Variants in UVRAG observed in about 807,000 individuals in gnomAD.
UVRAG encodes UV radiation resistance associated.
Under a neutral mutation model 78.0 loss-of-function variants are expected in UVRAG, and 19 were observed. The ratio of observed to expected loss-of-function variants is 0.24; its 90% CI spans 0.17 to 0.36. The LOEUF is 0.36. UVRAG is among the 10% of genes least tolerant of loss of function. UVRAG has a pLI of 1.00. For synonymous variants in UVRAG, 323 were observed against 324.6 expected, an observed-to-expected ratio of 1.00 and a Z score of 0.05; for missense variants, 740 against 853.8, an observed-to-expected ratio of 0.87 and a Z score of 1.66.
intron 12 of UVRAG, among the ~76,000 whole-genome samples, chr11:76,062,480 C>T (rs1951112921): frequency 6.6e-6 from 1 of 152,126 alleles, no homozygotes; most frequent in South Asian, 2.1e-4. Flanking sequence ...CTTTGGTTCT[C>T]CCTGCTTGAA....
intron 7 of UVRAG, among the ~76,000 whole-genome samples, chr11:75,973,234 G>A (rs1949160971): frequency 6.6e-6 from 1 of 152,186 alleles, no homozygotes; most frequent in Admixed American, 6.5e-5. Context: ...TTAGCTGAAA[G>A]TTTTTATCAT....
At chr11:75,842,185 A>G (rs1945928779) in intron 1 of UVRAG, among the ~76,000 whole-genome samples, 1 of 152,184 alleles carries the variant, frequency 6.6e-6, no homozygotes, top group Admixed American at 6.5e-5. Context: ...ATAGCTTCAT[A>G]TCTGCCCACA....
chr11:75,876,994 G>A (rs551484558), intron 3 of UVRAG, among the ~76,000 whole-genome samples: 11 of 151,214 alleles, frequency 7.3e-5, no homozygotes, highest in South Asian at 2.1e-4. Context: ...AGGACCCTGC[G>A]GCCTTCCGCA....
intron 12 of UVRAG, among the ~76,000 whole-genome samples, chr11:76,038,476 A>G (rs1950581400): frequency 6.6e-6 from 1 of 152,246 alleles, no homozygotes. Flanking sequence ...TGAAGTATAC[A>G]GGACTTATGT....
At chr11:75,958,341 A>T (rs1411743403) in intron 6 of UVRAG, among the ~76,000 whole-genome samples, 1 of 151,864 alleles carries the variant, frequency 6.6e-6, no homozygotes, top group African/African-American at 2.4e-5. Context: ...TTCCCCTCAA[A>T]CCCTGCCACT....
chr11:75,828,118 C>T (rs1945555665), intron 1 of UVRAG, among the ~76,000 whole-genome samples: 1 of 152,066 alleles, frequency 6.6e-6, no homozygotes, highest in African/African-American at 2.4e-5. Flanking sequence ...CAGGACTATA[C>T]TCATTACAGG....
chr11:76,135,287 C>T (rs1952580531), intron 14 of UVRAG, among the ~76,000 whole-genome samples: 1 of 152,116 alleles, frequency 6.6e-6, no homozygotes, highest in Admixed American at 6.5e-5. Context: ...TTCTTGTCGC[C>T]ACTGTCTCTA....
intron 6 of UVRAG, among the ~76,000 whole-genome samples, chr11:75,920,216 G>A (rs183541952): frequency 7.3e-5 from 11 of 150,910 alleles, no homozygotes; most frequent in African/African-American, 2.4e-4. Flanking sequence ...TAGTAGAGAC[G>A]GGGTTTCACC....
chr11:76,021,224 T>TTG (rs1383888130), intron 12 of UVRAG, among the ~76,000 whole-genome samples: 1 of 152,212 alleles, frequency 6.6e-6, no homozygotes, highest in Admixed American at 6.5e-5. Context: ...AGGTGCTTTT[T>TTG]TGTGTGTGTA....
At chr11:76,112,254 C>T (rs1338368072) in intron 13 of UVRAG, among the ~76,000 whole-genome samples, 1 of 152,130 alleles carries the variant, frequency 6.6e-6, no homozygotes, top group Non-Finnish European at 1.5e-5. Flanking sequence ...GTTTCTCAGT[C>T]ACCACGTGAA....
intron 8 of UVRAG, among the ~76,000 whole-genome samples, chr11:75,988,223 T>C (rs548435621): frequency 6.6e-6 from 1 of 151,828 alleles, no homozygotes; most frequent in South Asian, 2.1e-4. Flanking sequence ...CCACAATCAG[T>C]GATAACATTT....
chr11:75,922,865 G>A (rs1258615241), intron 6 of UVRAG, among the ~76,000 whole-genome samples: 13 of 151,260 alleles, frequency 8.6e-5, no homozygotes, highest in African/African-American at 1.5e-4. Context: ...CCCAGGCAGC[G>A]GAGGTTGTGA....
In UVRAG at chr11:76,116,308, G is replaced by T. The variant is rs548239894; in HGVS notation, c.1397+293G>T. Among the ~76,000 whole-genome samples, 3 of 152,330 alleles carry T rather than the reference G, an allele frequency of 2.0e-5. No homozygotes were observed. In the East Asian group the frequency reaches 5.8e-4, roughly 29 times the overall value. Reference sequence around the variant, plus strand: ...GCTGAGACAAACTGGAAGACAGCCAGTATGATTCATGGTAAGGGAGACCCA... The same window carrying T: ...GCTGAGACAAACTGGAAGACAGCCATTATGATTCATGGTAAGGGAGACCCA... On this transcript the variant is annotated intron_variant, in intron 14 of 14. Transcript: ENST00000356136.
At chr11:76,127,614 A>G (rs1251718867) in intron 14 of UVRAG, among the ~76,000 whole-genome samples, 1 of 150,628 alleles carries the variant, frequency 6.6e-6, no homozygotes, top group African/African-American at 2.5e-5. Flanking sequence ...AGCCTGGGCA[A>G]CAAGAACAAA....
chr11:76,027,052 C>T (rs1950338770), intron 12 of UVRAG, among the ~76,000 whole-genome samples: 1 of 151,738 alleles, frequency 6.6e-6, no homozygotes, highest in Non-Finnish European at 1.5e-5. Flanking sequence ...TCTGATTGAA[C>T]CCTTCATTTC....
intron 7 of UVRAG, among the ~76,000 whole-genome samples, chr11:75,970,300 A>G (rs990442471): frequency 2.6e-5 from 4 of 152,258 alleles, no homozygotes; most frequent in African/African-American, 9.6e-5. Flanking sequence ...TTAACAAACA[A>G]CAAGTTTAAT....
chr11:75,859,846 C>T (rs890560861), intron 2 of UVRAG, among the ~76,000 whole-genome samples: 3 of 152,248 alleles, frequency 2.0e-5, no homozygotes, highest in East Asian at 1.9e-4. Flanking sequence ...TGTATGGCTC[C>T]TTTGTTAAAC....
At chr11:75,815,984 A>T (rs934195043) in intron 1 of UVRAG, among the ~76,000 whole-genome samples, 1 of 152,230 alleles carries the variant, frequency 6.6e-6, no homozygotes, top group Non-Finnish European at 1.5e-5. Flanking sequence ...CTCTTCGTGC[A>T]AGAGCCCTGG....
At chr11:75,835,549 G>T (rs1317498741) in intron 1 of UVRAG, among the ~76,000 whole-genome samples, 3 of 152,044 alleles carry the variant, frequency 2.0e-5, no homozygotes, top group Non-Finnish European at 4.4e-5. Context: ...ACTTCTGTGG[G>T]TTACTGCAAT....
Sources: gnomAD v4.1 joint callset for allele counts (sites outside exome capture counted in the v4.1 genomes callset) on GRCh38, gnomAD v4.1.1 for gene constraint, MANE v1.5 for transcripts, NCBI Gene and HGNC (gene_info 2026-07-23, HGNC 2026-07-21) for gene names.